Variants in NRG1 observed in about 807,000 individuals in gnomAD.
The protein encoded by NRG1 is pro-neuregulin-1, membrane-bound isoform.
Under a neutral mutation model 63.8 loss-of-function variants are expected in NRG1, and 18 were observed. That is an observed-to-expected ratio of 0.28 (90% confidence interval 0.19 to 0.42). The LOEUF (loss-of-function observed/expected upper bound fraction) is 0.42, where lower values mean the gene tolerates loss of function less well. NRG1 is among the 10% of genes least tolerant of loss of function. The pLI is 1.00. For synonymous variants in NRG1, 302 were observed against 301.3 expected (o/e 1.00, Z -0.02); for missense variants, 762 against 814.7 (o/e 0.94, Z 0.79).
chr8:32,269,337 T>C (rs1851311094), intron 1 of NRG1, among the ~76,000 whole-genome samples: 1 of 152,206 alleles, frequency 6.6e-6, no homozygotes, highest in Non-Finnish European at 1.5e-5. Flanking sequence ...AGTTTTAAAT[T>C]CTAGCAATTA....
At chr8:32,431,508 G>C (rs1818150072) in intron 1 of NRG1, among the ~76,000 whole-genome samples, 1 of 152,044 alleles carries the variant, frequency 6.6e-6, no homozygotes, top group Non-Finnish European at 1.5e-5. Flanking sequence ...AACTTCATCT[G>C]TGTGTACCAA....
intron 1 of NRG1, among the ~76,000 whole-genome samples, chr8:31,737,482 G>T (rs1298234610): frequency 2.6e-5 from 4 of 152,092 alleles, no homozygotes; most frequent in African/African-American, 9.7e-5. Flanking sequence ...CACAATAAAT[G>T]TTGACTTATT....
At chr8:32,647,022 A>G (rs1853700674) in intron 5 of NRG1, 6 of 985,116 alleles carry the variant, frequency 6.1e-6, no homozygotes, top group Non-Finnish European at 7.2e-6. Flanking sequence ...CAAGAAGGAC[A>G]AAGAGGAGTA....
chr8:31,820,789 G>A (rs973501487), intron 1 of NRG1, among the ~76,000 whole-genome samples: 3 of 152,190 alleles, frequency 2.0e-5, no homozygotes, highest in African/African-American at 7.2e-5. Context: ...AGGGTTTAAT[G>A]TTTTGTATAC....
chr8:32,643,130 T>C (rs969178286), intron 5 of NRG1, among the ~76,000 whole-genome samples: 3 of 152,194 alleles, frequency 2.0e-5, no homozygotes, highest in African/African-American at 7.2e-5. Flanking sequence ...TTCTGCCAAA[T>C]CCCATTCTAT....
At chr8:31,795,952 T>C (rs549232011) in intron 1 of NRG1, among the ~76,000 whole-genome samples, 24 of 152,352 alleles carry the variant, frequency 1.6e-4, no homozygotes, top group African/African-American at 5.3e-4. Flanking sequence ...CTTTGGCGTA[T>C]CGTAGACACT....
intron 1 of NRG1, among the ~76,000 whole-genome samples, chr8:32,303,889 C>T (rs1476822396): frequency 6.6e-6 from 1 of 152,112 alleles, no homozygotes; most frequent in Non-Finnish European, 1.5e-5. Context: ...ACATATAATT[C>T]ATACTTACAT....
At chr8:32,027,422 T>C (rs868269909) in intron 1 of NRG1, among the ~76,000 whole-genome samples, 7 of 102,864 alleles carry the variant, frequency 6.8e-5, no homozygotes, top group Admixed American at 2.0e-4. Flanking sequence ...CCCTCCTTCC[T>C]TCCTTCCTTC....
chr8:32,216,452 C>T (rs954720327), intron 1 of NRG1, among the ~76,000 whole-genome samples: 1 of 148,346 alleles, frequency 6.7e-6, no homozygotes, highest in Non-Finnish European at 1.5e-5. Context: ...TAATATATTA[C>T]ATTACAATTG....
intron 5 of NRG1, among the ~76,000 whole-genome samples, chr8:32,652,143 A>C (rs908745819): frequency 6.6e-6 from 1 of 152,160 alleles, no homozygotes; most frequent in Non-Finnish European, 1.5e-5. Context: ...TCCTTACTGT[A>C]GAGAGTTGGA....
At chr8:32,398,156 T>A (rs1178403378) in intron 1 of NRG1, among the ~76,000 whole-genome samples, 1 of 152,164 alleles carries the variant, frequency 6.6e-6, no homozygotes, top group Non-Finnish European at 1.5e-5. Flanking sequence ...TGGATTTTTC[T>A]TGGCTGAAGA....
intron 1 of NRG1, among the ~76,000 whole-genome samples, chr8:31,974,710 T>C (rs1024038628): frequency 3.9e-5 from 6 of 152,186 alleles, no homozygotes; most frequent in African/African-American, 1.4e-4. Flanking sequence ...CTCCAGATAA[T>C]TTAGTGTGCA....
rs150381578 is a variant in NRG1, at chr8:32,141,051, T to G, written c.38-454777T>G. On this transcript the variant is annotated intron_variant, in intron 1 of 10. Transcript: ENST00000519301. ...ATTTTATTCTGGTATTTGGTACTTA[T>G]GAGAAATCTTATTAGTATCCTAAAC... Among the ~76,000 whole-genome samples, 594 of 152,250 alleles carry G rather than the reference T, an allele frequency of 3.9e-3. 4 individuals are homozygous for G. The highest frequency in any genetic ancestry group is 0.014 in the African/African-American group (561 of 41,546).
intron 1 of NRG1, among the ~76,000 whole-genome samples, chr8:32,104,219 C>T (rs28446282): frequency 0.42 from 63,485 of 152,074 alleles, 14,403 homozygotes; most frequent in Admixed American, 0.5. Context: ...CGGCATGTTA[C>T]TGTACTTAAT....
rs542648533 is a variant in NRG1, at chr8:32,559,653, G to C, written c.100+10827G>C. ...ACTAGAGCTACCTTTTAAATGGTCA[G>C]ATAGGTTTTCTTTTTAAAGAATTAC... On this transcript the variant is annotated intron_variant, in intron 1 of 11. Coordinates refer to ENST00000356819, the Ensembl canonical transcript of NRG1. Among the ~76,000 whole-genome samples, 15 of 152,196 alleles carry C rather than the reference G, an allele frequency of 9.9e-5. 1 individual carries two copies. Among genetic ancestry groups the C allele is most frequent in the African/African-American group, 3.4e-4 (14 of 41,548 alleles).
intron 1 of NRG1, among the ~76,000 whole-genome samples, chr8:32,322,066 T>A (rs1308353035): frequency 2.0e-5 from 3 of 152,036 alleles, no homozygotes; most frequent in African/African-American, 7.2e-5. Flanking sequence ...TATCCCCAGC[T>A]ACTTGGGAAC....
At chr8:31,841,433 G>A (rs548758790) in intron 1 of NRG1, among the ~76,000 whole-genome samples, 6 of 152,190 alleles carry the variant, frequency 3.9e-5, no homozygotes, top group South Asian at 2.1e-4. Flanking sequence ...CTGAGGGGCC[G>A]TGAACAGCAT....
chr8:32,130,924 G>T (rs1834728286), intron 1 of NRG1, among the ~76,000 whole-genome samples: 1 of 151,914 alleles, frequency 6.6e-6, no homozygotes. Context: ...TTTGCAGCTT[G>T]CATTCATATT....
chr8:32,314,407 C>A (rs929056504), intron 1 of NRG1, among the ~76,000 whole-genome samples: 3 of 151,432 alleles, frequency 2.0e-5, no homozygotes, highest in Non-Finnish European at 4.4e-5. Context: ...TGATGCAATT[C>A]TGTTCCAGAT....
Sources: allele counts gnomAD v4.1 joint callset (sites outside exome capture counted in the v4.1 genomes callset), GRCh38; gene constraint gnomAD v4.1.1; transcripts MANE v1.5; gene names NCBI Gene and HGNC (gene_info 2026-07-23, HGNC 2026-07-21).